The following CLIC5 variants were observed in gnomAD, a reference collection of about 807,000 sequenced individuals.
CLIC5 encodes the protein chloride intracellular channel protein 5.
In CLIC5, 20 loss-of-function variants were observed where a neutral mutation model predicts 24.7. That is an observed-to-expected ratio of 0.81 (90% CI 0.57 to 1.18). The LOEUF is 1.18. Among genes scored for constraint, CLIC5 ranks in the 50% most tolerant of loss-of-function variants. The probability of loss-of-function intolerance (pLI) is 0.00; values close to 1 mark genes in which losing one functional copy is unlikely to be tolerated. For missense variants in CLIC5, 341 were observed against 326.1 expected (o/e 1.05, Z -0.35); for synonymous variants, 159 against 135.6 (o/e 1.17, Z -1.20).
chr6:46,018,652 A>C (rs1767087253), upstream of CLIC5: 1 of 152,236 alleles, frequency 6.6e-6, no homozygotes, highest in African/African-American at 2.4e-5. Context: ...CTGGAGAAAA[A>C]CACTATATGT....
At chr6:46,060,850 T>C (rs1762243339) in intron 1 of CLIC5, among the ~76,000 whole-genome samples, 1 of 152,226 alleles carries the variant, frequency 6.6e-6, no homozygotes, top group Admixed American at 6.5e-5. Context: ...TAGAACCTGA[T>C]TCCACCAGAA....
At chr6:45,904,630 C>T (rs1232089437) in intron 5 of CLIC5, among the ~76,000 whole-genome samples, 1 of 1,228 alleles carries the variant, frequency 8.1e-4, no homozygotes, top group African/African-American at 4.3e-3. Flanking sequence ...GACTCCCCTC[C>T]CTCCCTCTTT....
chr6:46,103,935 TG>T, the CLIC5 span, among the ~76,000 whole-genome samples: 1 of 152,150 alleles, frequency 6.6e-6, no homozygotes, highest in African/African-American at 2.4e-5. Context: ...TGTCTCTCTC[TG>T]GTGGAGCAAA....
At chr6:45,924,753 A>T (rs1763409704) in intron 4 of CLIC5, among the ~76,000 whole-genome samples, 1 of 142,974 alleles carries the variant, frequency 7.0e-6, no homozygotes, top group Non-Finnish European at 1.6e-5. Context: ...TTACTAGTAG[A>T]AGACAGAGCC....
intron 4 of CLIC5, chr6:45,920,568 C>A (rs3777553): frequency 0.3 from 148,885 of 489,042 alleles, 23,527 homozygotes; most frequent in East Asian, 0.47. Context: ...GATGGCCACA[C>A]TTGTTGACAT....
intron 1 of CLIC5, among the ~76,000 whole-genome samples, chr6:45,982,640 C>A (rs1765604579): frequency 6.6e-6 from 1 of 152,072 alleles, no homozygotes; most frequent in Non-Finnish European, 1.5e-5. Context: ...AATAAAAATA[C>A]AGTATTATAA....
At position 45,949,499 on chromosome 6, in the gene CLIC5, A is replaced by C. The variant is rs999074112; in HGVS notation, c.174-118T>G. ...CTATCCAACATGCCTGTCAGGTGAAACAGATTTATGGTATGCAGTATAGGG... is the reference window on the plus strand; with the variant it reads ...CTATCCAACATGCCTGTCAGGTGAACCAGATTTATGGTATGCAGTATAGGG... On this transcript the variant is annotated intron_variant, in intron 2 of 5. Transcript: ENST00000339561. 3.4e-6 allele frequency: 4 copies of C among 1,162,968 alleles called. No homozygotes were observed. In the Admixed American group the frequency reaches 8.9e-5, roughly 26 times the overall value. 72.0% of individuals were successfully genotyped at this position (1,162,968 alleles called of 1,614,324 possible). A position where few individuals can be genotyped will look rare whatever the true frequency, so the allele number is the denominator to read the frequency against.
Position 45,901,167 on chromosome 6 carries a change from C to T in CLIC5, c.*1921G>A, listed in dbSNP as rs545587601. The T allele has an allele frequency of 2.6e-5, 4 of 152,198 alleles. No individual in the cohort carries two copies. Among genetic ancestry groups the T allele is most frequent in the Admixed American group, 1.3e-4 (2 of 15,282 alleles). 9.4% of individuals were successfully genotyped at this position (152,198 alleles called of 1,614,324 possible). On this transcript the variant is annotated 3_prime_UTR_variant, in exon 6 of 6. Coordinates refer to ENST00000339561, the MANE Select transcript of CLIC5 (RefSeq NM_016929.5). ...CCAGGAGGCCAGTTTGGGGCTTTTCCCTACAGTAAAAAAGGACTCTTTCCT... is the reference window on the plus strand; with the variant it reads ...CCAGGAGGCCAGTTTGGGGCTTTTCTCTACAGTAAAAAAGGACTCTTTCCT...
intron 1 of CLIC5, among the ~76,000 whole-genome samples, chr6:45,983,122 A>C (rs905870592): frequency 1.3e-5 from 2 of 152,194 alleles, no homozygotes; most frequent in Non-Finnish European, 2.9e-5. Flanking sequence ...ATTCAGTGAG[A>C]GATCATAATG....
At chr6:46,103,235 T>C in the CLIC5 span, among the ~76,000 whole-genome samples, 9 of 152,204 alleles carry the variant, frequency 5.9e-5, no homozygotes, top group Admixed American at 2.0e-4. Flanking sequence ...TAACCTTTCC[T>C]GTAGGCTTTT....
chr6:45,890,984 A>C (rs866144120), intron 6 of CLIC5, among the ~76,000 whole-genome samples: 64 of 152,306 alleles, frequency 4.2e-4, no homozygotes, highest in African/African-American at 1.5e-3. Context: ...GATAAATAGA[A>C]GGAATAAGTG....
chr6:46,113,525 T>C, the CLIC5 span, among the ~76,000 whole-genome samples: 113 of 152,150 alleles, frequency 7.4e-4, no homozygotes, highest in African/African-American at 2.6e-3. Context: ...AGTAGGCAGG[T>C]AAGTGATGTG....
upstream of CLIC5, among the ~76,000 whole-genome samples, chr6:46,085,169 A>G (rs559107061): frequency 6.6e-6 from 1 of 152,164 alleles, no homozygotes; most frequent in African/African-American, 2.4e-5. Context: ...CTAGTTATAC[A>G]TTCTTCTAAA....
At chr6:46,008,057 A>T (rs1195819061) in intron 1 of CLIC5, among the ~76,000 whole-genome samples, 1 of 152,022 alleles carries the variant, frequency 6.6e-6, no homozygotes, top group African/African-American at 2.4e-5. Context: ...TTCCCACTAA[A>T]GCACGAAGTC....
intron 1 of CLIC5, among the ~76,000 whole-genome samples, chr6:45,979,236 A>G (rs573226457): frequency 2.3e-4 from 35 of 152,162 alleles, no homozygotes; most frequent in Non-Finnish European, 4.9e-4. Flanking sequence ...CACATGTATT[A>G]TATGTGCTAA....
downstream of CLIC5, among the ~76,000 whole-genome samples, chr6:45,895,562 G>A (rs1000615950): frequency 6.6e-6 from 1 of 152,204 alleles, no homozygotes; most frequent in Non-Finnish European, 1.5e-5. Flanking sequence ...AGAAGGAAAT[G>A]AAGAGTGAGA....
the CLIC5 span, among the ~76,000 whole-genome samples, chr6:46,109,051 A>G: frequency 6.6e-6 from 1 of 152,150 alleles, no homozygotes; most frequent in East Asian, 1.9e-4. Context: ...AAATTCTTAC[A>G]TGTCTTAGGA....
At chr6:45,951,974 G>C (rs571491505) in intron 2 of CLIC5, among the ~76,000 whole-genome samples, 1 of 152,312 alleles carries the variant, frequency 6.6e-6, no homozygotes, top group East Asian at 1.9e-4. Context: ...AATTTACTTA[G>C]TCCCTTTATT....
At chr6:46,036,078 A>C (rs529767947) in intron 1 of CLIC5, among the ~76,000 whole-genome samples, 7 of 151,714 alleles carry the variant, frequency 4.6e-5, no homozygotes, top group African/African-American at 1.7e-4. Context: ...TCCCCACCCA[A>C]AGGGCCTCCC....
Sources: allele counts gnomAD v4.1 joint callset (sites outside exome capture counted in the v4.1 genomes callset), GRCh38; gene constraint gnomAD v4.1.1; transcripts MANE v1.5; gene names NCBI Gene and HGNC (gene_info 2026-07-23, HGNC 2026-07-21).